IL2RB: variants seen among roughly 807,000 people sequenced by gnomAD.
IL2RB encodes the protein interleukin 2 receptor subunit beta.
A neutral mutation model predicts 44.2 loss-of-function variants in IL2RB; 17 were observed. That is an observed-to-expected ratio of 0.38 (90% CI 0.26 to 0.58). IL2RB has a LOEUF of 0.58. Ranked by LOEUF, IL2RB falls within the 20% of genes least tolerant of loss-of-function variation. IL2RB has a pLI of 0.63. For missense variants in IL2RB, 624 were observed against 685.5 expected (o/e 0.91, Z 1.00); for synonymous variants, 286 against 297.9 (o/e 0.96, Z 0.41).
At chr22:37,165,251 C>T (rs987291663) in intron 1 of IL2RB, among the ~76,000 whole-genome samples, 1 of 152,276 alleles carries the variant, frequency 6.6e-6, no homozygotes, top group South Asian at 2.1e-4. Context: ...CTGCCGCCAC[C>T]TTTGGAAGAA....
chr22:37,135,928 C>G (rs3218303), intron 7 of IL2RB, among the ~76,000 whole-genome samples: 1 of 152,074 alleles, frequency 6.6e-6, no homozygotes, highest in Non-Finnish European at 1.5e-5. Context: ...CAGATCAGGC[C>G]GAGAGGTGAA....
upstream of IL2RB, among the ~76,000 whole-genome samples, chr22:37,150,791 T>C (rs577261905): frequency 6.6e-6 from 1 of 152,272 alleles, no homozygotes; most frequent in South Asian, 2.1e-4. Context: ...ATTGTTTTAA[T>C]TTTTAGCTCC....
Position 37,128,738 on chromosome 22 carries a change from C to T in IL2RB, c.1014G>A (p.Leu338=), listed in dbSNP as rs751841017. ...LERDKVTQLL[L]QQDKVPEPAS... is the part of the protein sequence containing the mutation. ...CGGGCTCAGGCACCTTGTCCTGCTG[C>T]AGGAGCAGCTGCGTCACCTTGTCCC... The change falls in exon 10 of 10, where the codon CTG becomes CTA. Residue 338 remains leucine, a synonymous_variant. Coordinates refer to ENST00000216223, the MANE Select transcript of IL2RB (RefSeq NM_000878.5). This position sits in a 1 kb window ranked among gnomAD's most constrained non-coding sequence, Gnocchi z 4.5. The T allele has an allele frequency of 6.2e-7, 1 of 1,614,014 alleles. No individual in the cohort carries two copies. Among genetic ancestry groups the T allele is most frequent in the Non-Finnish European group, 8.5e-7 (1 of 1,179,996 alleles).
At chr22:37,135,261 TGTGTGTGC>T (rs1421578927) in intron 8 of IL2RB, 59 bp downstream of exon 8, 11 of 971,130 alleles carry the variant, frequency 1.1e-5, no homozygotes, top group African/African-American at 8.2e-5. Context: ...TGTGTGTGCA[TGTGTGTGC>T]ATGTGTGTGC....
At chr22:37,159,226 C>T (rs1377556463) in intron 1 of IL2RB, among the ~76,000 whole-genome samples, 1 of 151,864 alleles carries the variant, frequency 6.6e-6, no homozygotes, top group East Asian at 1.9e-4. Context: ...AGAAGTAACA[C>T]TTGCTTGCTT....
At position 37,128,419 on chromosome 22, in the gene IL2RB, G is replaced by A; in HGVS notation, c.1333C>T (p.Pro445Ser). 6.6e-7 allele frequency: 1 copy of A among 1,523,760 alleles called. No homozygotes were observed. Among genetic ancestry groups the A allele is most frequent in the Non-Finnish European group, 8.8e-7 (1 of 1,135,690 alleles). 94.4% of individuals were successfully genotyped at this position (1,523,760 alleles called of 1,614,324 possible). Residue 445 changes from proline to serine, a missense_variant, in exon 10 of 10, where the codon CCT becomes TCT. Pro to Ser is a moderately conservative substitution (Grantham distance 74, BLOSUM62 -1). Transcript: ENST00000216223. The surrounding 1 kb of genome is among the most constrained non-coding windows in gnomAD (Gnocchi z 4.5). ...TCTTCACCGGCCCCACTGCCCCCAG[G>A]GGCAGTGCTTGGGGGGCTGGGGCCA... is the stretch of plus-strand genomic sequence containing the variant. ...LGGPSPPSTAPGGSGAGEERM... is the reference protein window; with the variant it reads ...LGGPSPPSTASGGSGAGEERM...
intron 1 of IL2RB, among the ~76,000 whole-genome samples, chr22:37,145,303 C>T (rs1225243967): frequency 6.6e-6 from 1 of 152,096 alleles, no homozygotes; most frequent in Non-Finnish European, 1.5e-5. Flanking sequence ...AGGTTGGTCA[C>T]CCAGATTATA....
chr22:37,132,523 T>G, intron 8 of IL2RB, 55 bp from the exon 9 acceptor site: 1 of 1,366,846 alleles, frequency 7.3e-7, no homozygotes, highest in Non-Finnish European at 1.0e-6. Flanking sequence ...GACCGCGGTG[T>G]TATGCCATCG....
intron 7 of IL2RB, among the ~76,000 whole-genome samples, chr22:37,135,947 C>A (rs1448258248): frequency 6.6e-6 from 1 of 152,130 alleles, no homozygotes; most frequent in East Asian, 1.9e-4. Flanking sequence ...AAAGCAGCCA[C>A]CCCCAGCCCC....
intron 1 of IL2RB, among the ~76,000 whole-genome samples, chr22:37,160,959 T>C (rs564365318): frequency 2.2e-4 from 34 of 152,308 alleles, no homozygotes; most frequent in Middle Eastern, 3.4e-3. Context: ...CTGACCAACG[T>C]GGTGAAACCC....
chr22:37,137,246 C>T (rs3218294), intron 6 of IL2RB, among the ~76,000 whole-genome samples: 19 of 152,334 alleles, frequency 1.2e-4, no homozygotes, highest in African/African-American at 3.4e-4. Context: ...GCAACAGGCC[C>T]GCACGGATGT....
At chr22:37,147,150 G>A (rs371744497) in intron 1 of IL2RB, among the ~76,000 whole-genome samples, 11 of 152,218 alleles carry the variant, frequency 7.2e-5, no homozygotes, top group East Asian at 3.9e-4. Context: ...CAAAACCATC[G>A]GCTGACAGGT....
At chr22:37,169,820 C>G (rs1453445087) in intron 1 of IL2RB, among the ~76,000 whole-genome samples, 1 of 152,210 alleles carries the variant, frequency 6.6e-6, no homozygotes, top group Non-Finnish European at 1.5e-5. Context: ...AGAGGCCTTC[C>G]TTCTCTCCCC....
At chr22:37,129,822 C>A (rs1038646022) in intron 9 of IL2RB, among the ~76,000 whole-genome samples, 1 of 152,184 alleles carries the variant, frequency 6.6e-6, no homozygotes, top group Non-Finnish European at 1.5e-5. Context: ...GTTTGGGAGC[C>A]CTGACAACCC....
At chr22:37,173,803 C>G (rs1268541689) in intron 1 of IL2RB, among the ~76,000 whole-genome samples, 1 of 152,184 alleles carries the variant, frequency 6.6e-6, no homozygotes, top group Non-Finnish European at 1.5e-5. Flanking sequence ...TGCTGTAGCC[C>G]TGCTGCCCCA....
At chr22:37,164,576 G>A (rs1923002888) in intron 1 of IL2RB, among the ~76,000 whole-genome samples, 2 of 152,152 alleles carry the variant, frequency 1.3e-5, no homozygotes, top group South Asian at 4.1e-4. Flanking sequence ...TCAGGTGAGT[G>A]GGCCGGGCAA....
At chr22:37,160,289 G>A (rs944710843) in intron 1 of IL2RB, among the ~76,000 whole-genome samples, 1 of 152,250 alleles carries the variant, frequency 6.6e-6, no homozygotes, top group African/African-American at 2.4e-5. Flanking sequence ...GAGTGTATGA[G>A]ATTCAGCGGG....
intron 1 of IL2RB, among the ~76,000 whole-genome samples, chr22:37,156,759 G>A (rs973234162): frequency 6.6e-6 from 1 of 152,204 alleles, no homozygotes; most frequent in African/African-American, 2.4e-5. Context: ...ACACGGGCAG[G>A]GGAGAGCAGG....
intron 1 of IL2RB, among the ~76,000 whole-genome samples, chr22:37,165,531 A>G (rs1301050162): frequency 6.6e-6 from 1 of 152,172 alleles, no homozygotes; most frequent in Non-Finnish European, 1.5e-5. Context: ...CCCAGCCCTC[A>G]AGGAGCCCAG....
Sources: allele counts gnomAD v4.1 joint callset (sites outside exome capture counted in the v4.1 genomes callset), GRCh38; gene constraint gnomAD v4.1.1; non-coding constraint Gnocchi (gnomAD v3.1); transcripts MANE v1.5; gene names NCBI Gene and HGNC (gene_info 2026-07-23, HGNC 2026-07-21).